QPCT: variants seen among roughly 807,000 people sequenced by gnomAD.
QPCT encodes the protein glutaminyl-peptide cyclotransferase.
In QPCT, 44 loss-of-function variants were observed where a neutral mutation model predicts 43.4. The ratio of observed to expected loss-of-function variants is 1.01; its 90% CI spans 0.80 to 1.30. The LOEUF is 1.30. Ranked by LOEUF, QPCT falls within the 50% of genes most tolerant of loss-of-function variation. The pLI, the probability that QPCT is intolerant of heterozygous loss-of-function variation, is 0.00. For synonymous variants in QPCT, 168 were observed against 168.4 expected, an observed-to-expected ratio of 1.00 and a Z score of 0.02; for missense variants, 526 against 436.5, an observed-to-expected ratio of 1.21 and a Z score of -1.83.
At chr2:37,359,082 A>G (rs1231679329) in intron 2 of QPCT, among the ~76,000 whole-genome samples, 1 of 152,214 alleles carries the variant, frequency 6.6e-6, no homozygotes, top group East Asian at 1.9e-4. Flanking sequence ...TAGAAATATT[A>G]AAAGTGTACG....
At chr2:37,362,195 GC>G (rs1349480858) in intron 3 of QPCT, among the ~76,000 whole-genome samples, 1 of 152,146 alleles carries the variant, frequency 6.6e-6, no homozygotes, top group Non-Finnish European at 1.5e-5. Context: ...GTTTGCCTAT[GC>G]CCTGGGCATG....
At chr2:37,366,937 G>T (rs1047973933) in intron 3 of QPCT, among the ~76,000 whole-genome samples, 17 of 152,230 alleles carry the variant, frequency 1.1e-4, no homozygotes, top group African/African-American at 3.1e-4. Context: ...TGTATCACAC[G>T]ATTCATCACA....
chr2:37,362,820 AG>A (rs1295729167), intron 3 of QPCT, among the ~76,000 whole-genome samples: 4 of 152,182 alleles, frequency 2.6e-5, no homozygotes. Flanking sequence ...GAGGTGAGGA[AG>A]GGGCTGGTGT....
intron 2 of QPCT, 140 bp downstream of exon 2, chr2:37,353,075 A>C: frequency 1.0e-6 from 1 of 993,158 alleles, no homozygotes; most frequent in Non-Finnish European, 1.4e-6. Context: ...ACCAAGAAAA[A>C]TCAAATGACT....
In QPCT at chr2:37,372,760, A is replaced by T. The variant is rs762558109; in HGVS notation, c.1019A>T (p.Asp340Val). Reference sequence around the variant, plus strand: ...ATGGATGACAATGAAGAAAATTTGGATGAATCAACCATTGACAATCTAAAC... The same window carrying T: ...ATGGATGACAATGAAGAAAATTTGGTTGAATCAACCATTGACAATCTAAAC... ...HTMDDNEENL[D>V]ESTIDNLNKI... Residue 340 changes from aspartate (D) to valine (V), a missense_variant, in exon 7 of 7, where the codon GAT (aspartate) becomes GTT (valine). By Grantham distance (152) the Asp-to-Val change is radical (BLOSUM62 -3). Transcript: ENST00000338415. 1.9e-6 allele frequency: 3 copies of T among 1,613,344 alleles called. No individual in the cohort carries two copies. In the South Asian group the frequency reaches 3.3e-5, roughly 18 times the overall value.
intron 5 of QPCT, among the ~76,000 whole-genome samples, chr2:37,371,096 A>G (rs1365341125): frequency 6.6e-6 from 1 of 152,182 alleles, no homozygotes; most frequent in Non-Finnish European, 1.5e-5. Flanking sequence ...GGTGCATGTC[A>G]TTGACAAATT....
intron 1 of QPCT, among the ~76,000 whole-genome samples, chr2:37,347,171 AT>A (rs1672513030): frequency 1.7e-5 from 1 of 59,256 alleles, no homozygotes. Context: ...TATAACATAT[AT>A]ATATATAACA....
At chr2:37,362,301 A>G (rs1272323429) in intron 3 of QPCT, among the ~76,000 whole-genome samples, 1 of 152,204 alleles carries the variant, frequency 6.6e-6, no homozygotes, top group Non-Finnish European at 1.5e-5. Flanking sequence ...AGGCCCTTTA[A>G]ACAACTGGAA....
chr2:37,356,025 C>T (rs1672737546), intron 2 of QPCT, among the ~76,000 whole-genome samples: 1 of 152,148 alleles, frequency 6.6e-6, no homozygotes, highest in African/African-American at 2.4e-5. Context: ...TGGCAGATGT[C>T]CGCATCCTGA....
chr2:37,355,495 G>A (rs1191786390), intron 2 of QPCT, among the ~76,000 whole-genome samples: 1 of 151,942 alleles, frequency 6.6e-6, no homozygotes, highest in African/African-American at 2.4e-5. Context: ...ATTAAAAAAG[G>A]GTAAACTTGA....
In QPCT at chr2:37,344,777, C is replaced by G; in HGVS notation, c.46C>G (p.Leu16Val). 6.2e-7 allele frequency: 1 copy of G among 1,609,774 alleles called. No homozygotes were observed. Among genetic ancestry groups the G allele is most frequent in the Non-Finnish European group, 8.5e-7 (1 of 1,178,834 alleles). ...GCGCGTCGTGGGCACCCTCCACCTG[C>G]TGCTGCTGGTGGCCGCCCTGCCCTG... ...HRRVVGTLHL[L>V]LLVAALPWAS... The change falls in exon 1 of 7, where the codon CTG becomes GTG. Residue 16 changes from leucine (L) to valine (V), a missense_variant. Leu to Val is a conservative substitution (Grantham distance 32). Coordinates refer to ENST00000338415, the MANE Select transcript of QPCT (RefSeq NM_012413.4).
intron 1 of QPCT, among the ~76,000 whole-genome samples, chr2:37,350,721 G>A (rs986738464): frequency 6.6e-6 from 1 of 152,178 alleles, no homozygotes; most frequent in Admixed American, 6.5e-5. Context: ...ATAAATGAAG[G>A]AGGTTGGAGA....
At chr2:37,345,769 G>A (rs1290684885) in intron 1 of QPCT, among the ~76,000 whole-genome samples, 1 of 150,392 alleles carries the variant, frequency 6.6e-6, no homozygotes, top group Non-Finnish European at 1.5e-5. Context: ...CCGGGGGGCG[G>A]AGCTTGCAGT....
intron 2 of QPCT, 121 bp from the exon 3 acceptor site, chr2:37,359,459 A>G: frequency 1.2e-6 from 1 of 857,462 alleles, no homozygotes; most frequent in Non-Finnish European, 1.8e-6. Flanking sequence ...ATTGCTATGA[A>G]TTCATTAAGT....
rs1390799089 is a variant in QPCT, at chr2:37,347,287, C to G, written c.120+2436C>G. ...CATCCACCTCACTTGAACTTCACAG[C>G]AAGCCCCATGAGGAAGGTACATTCA... On this transcript the variant is annotated intron_variant, in intron 1 of 6. Coordinates refer to ENST00000338415, the MANE Select transcript of QPCT (RefSeq NM_012413.4). Among the ~76,000 whole-genome samples, 5 of 135,992 alleles carry G rather than the reference C, an allele frequency of 3.7e-5. No individual in the cohort carries two copies. The South Asian group carries it at 1.1e-3, about 30-fold the overall frequency. 89.2% of individuals were successfully genotyped at this position (135,992 alleles called of 152,430 possible). A position where few individuals can be genotyped will look rare whatever the true frequency, so the allele number is the denominator to read the frequency against.
At chr2:37,356,955 CAAG>C (rs1230770210) in intron 2 of QPCT, among the ~76,000 whole-genome samples, 8 of 147,850 alleles carry the variant, frequency 5.4e-5, no homozygotes, top group African/African-American at 1.0e-4. Flanking sequence ...TGCAGTGAGC[CAAG>C]ATTGTGCCAC....
At chr2:37,354,653 T>G (rs1267090271) in intron 2 of QPCT, among the ~76,000 whole-genome samples, 1 of 152,168 alleles carries the variant, frequency 6.6e-6, no homozygotes, top group Admixed American at 6.5e-5. Context: ...CAAGCCCAAG[T>G]TGGAGAGTGA....
rs931290400 is a variant in QPCT, at chr2:37,359,829, G to C, written c.517G>C (p.Ala173Pro). 3.1e-6 allele frequency: 5 copies of C among 1,614,040 alleles called. No individual in the cohort carries two copies. In the African/African-American group the frequency reaches 5.3e-5, roughly 17 times the overall value. ...TGCAATGATGTTGGAACTTGCTCGT[G>C]CCTTAGACAAGAAACTCCTTTCCTT... ...PCAMMLELAR[A>P]LDKKLLSLKT... is the part of the protein sequence containing the mutation. Residue 173 changes from alanine to proline, a missense_variant, in exon 3 of 7, where the codon GCC becomes CCC. Physicochemically the swap from Ala to Pro is conservative, Grantham distance 27. Coordinates refer to ENST00000338415, the MANE Select transcript of QPCT (RefSeq NM_012413.4).
In QPCT at chr2:37,372,434, G is replaced by T. The variant is rs774374809; in HGVS notation, c.902G>T (p.Gly301Val). 1 of 1,613,960 alleles carries T rather than the reference G, an allele frequency of 6.2e-7. No individual in the cohort carries two copies. The highest frequency in any genetic ancestry group is 8.5e-7 in the Non-Finnish European group (1 of 1,179,854). ...GRYFQNYSYG[G>V]VIQDDHIPFL... ...TATTTCCAGAATTACAGTTATGGAG[G>T]TGTGATTCAGGATGACCATATTCCA... The change falls in exon 6 of 7, where the codon GGT (glycine) becomes GTT (valine). Residue 301 changes from glycine to valine, a missense_variant. Transcript: ENST00000338415.
Sources: allele counts gnomAD v4.1 joint callset (sites outside exome capture counted in the v4.1 genomes callset), GRCh38; gene constraint gnomAD v4.1.1; transcripts MANE v1.5; gene names NCBI Gene and HGNC (gene_info 2026-07-23, HGNC 2026-07-21).